The following ALK variants were observed in gnomAD, a reference collection of about 807,000 sequenced individuals.
The protein encoded by ALK is ALK receptor tyrosine kinase.
Under a neutral mutation model 163.1 loss-of-function variants are expected in ALK, and 74 were observed. The observed-to-expected ratio is 0.45, with a 90% confidence interval of 0.38 to 0.55. The LOEUF (loss-of-function observed/expected upper bound fraction) is 0.55, where lower values mean the gene tolerates loss of function less well. Ranked by LOEUF, ALK falls within the 20% of genes least tolerant of loss-of-function variation. The pLI is 0.00. For synonymous variants in ALK, 960 were observed against 843.2 expected (o/e 1.14, Z -2.40); for missense variants, 2,063 against 2,105.3 (o/e 0.98, Z 0.39).
chr2:29,843,206 G>A (rs796265736), intron 1 of ALK, among the ~76,000 whole-genome samples: 1 of 152,096 alleles, frequency 6.6e-6, no homozygotes, highest in Non-Finnish European at 1.5e-5. Context: ...AGCTAGAAGG[G>A]GTCTCGGTGC....
At chr2:29,829,095 C>T (rs1363960010) in intron 1 of ALK, among the ~76,000 whole-genome samples, 1 of 141,458 alleles carries the variant, frequency 7.1e-6, no homozygotes, top group African/African-American at 2.7e-5. Flanking sequence ...TGTTCTCACT[C>T]ATAGGTGGAA....
chr2:29,196,998 C>T (rs1427431050), intron 27 of ALK, 138 bp from the exon 28 acceptor site: 2 of 702,466 alleles, frequency 2.8e-6, no homozygotes, highest in Non-Finnish European at 5.1e-6. Context: ...CTATGCTGCC[C>T]CCTGCTGATT....
At chr2:29,546,918 C>T (rs925867900) in intron 3 of ALK, among the ~76,000 whole-genome samples, 4 of 152,158 alleles carry the variant, frequency 2.6e-5, no homozygotes, top group African/African-American at 4.8e-5. Context: ...GAGCATGGAA[C>T]GTGGGTGGAT....
chr2:29,286,613 A>G (rs1198581011), intron 9 of ALK: 3 of 152,106 alleles, frequency 2.0e-5, no homozygotes, highest in African/African-American at 7.2e-5. Context: ...AGCCTTTTCA[A>G]AAGCACTTTC....
chr2:29,376,053 C>A (rs886522782), intron 5 of ALK, among the ~76,000 whole-genome samples: 1 of 152,138 alleles, frequency 6.6e-6, no homozygotes, highest in Non-Finnish European at 1.5e-5. Flanking sequence ...AGATAGTCTC[C>A]CTCTGGCCGG....
intron 5 of ALK, among the ~76,000 whole-genome samples, chr2:29,369,889 C>A (rs1389236059): frequency 6.6e-6 from 1 of 152,046 alleles, no homozygotes; most frequent in Non-Finnish European, 1.5e-5. Context: ...TTACATACAG[C>A]CACAGATAAG....
intron 8 of ALK, among the ~76,000 whole-genome samples, chr2:29,299,620 G>T (rs1266305372): frequency 6.6e-6 from 1 of 152,170 alleles, no homozygotes; most frequent in Non-Finnish European, 1.5e-5. Context: ...TATTAAAAAG[G>T]CATTTTGGCT....
intron 3 of ALK, among the ~76,000 whole-genome samples, chr2:29,568,596 A>G (rs1052026044): frequency 1.3e-5 from 2 of 152,136 alleles, no homozygotes; most frequent in African/African-American, 4.8e-5. Flanking sequence ...AAGGGGAAAA[A>G]CCTGGGTACC....
At chr2:29,890,790 A>G (rs1667123425) in intron 1 of ALK, 1 of 152,218 alleles carries the variant, frequency 6.6e-6, no homozygotes, top group South Asian at 2.1e-4. Flanking sequence ...CCTTGCCTCA[A>G]TTCTGTGTTA....
chr2:29,710,499 C>T (rs13035750), intron 2 of ALK, among the ~76,000 whole-genome samples: 55 of 144,762 alleles, frequency 3.8e-4, no homozygotes, highest in Admixed American at 1.5e-3. Context: ...AGTCTGTGTG[C>T]GTGTGTGTGT....
rs201414973 is a variant in ALK at position 29,229,091 on chromosome 2, C to T, written c.2633-25G>A. On this transcript the variant is annotated intron_variant, in intron 15 of 28. Transcript: ENST00000389048. ...CCTGCGGGAAGAGATAGGGAACCTGCGTGAGGATGCTGGCAAGGTTCAATT... is the reference window on the plus strand; with the variant it reads ...CCTGCGGGAAGAGATAGGGAACCTGTGTGAGGATGCTGGCAAGGTTCAATT... 2.3e-3 allele frequency: 3,654 copies of T among 1,609,382 alleles called. 4 individuals carry two copies. The highest frequency in any genetic ancestry group is 2.8e-3 in the Non-Finnish European group (3,278 of 1,176,082).
chr2:29,498,134 T>C (rs1672078459), intron 4 of ALK, among the ~76,000 whole-genome samples: 1 of 152,204 alleles, frequency 6.6e-6, no homozygotes, highest in Admixed American at 6.5e-5. Flanking sequence ...TCAGTATTTA[T>C]TCTATGCTCT....
chr2:29,228,346 T>C (rs1411212869), intron 16 of ALK, among the ~76,000 whole-genome samples: 1 of 152,228 alleles, frequency 6.6e-6, no homozygotes, highest in East Asian at 1.9e-4. Flanking sequence ...CTCTGCTGAC[T>C]GTGCTCTGAA....
intron 3 of ALK, among the ~76,000 whole-genome samples, chr2:29,537,616 TAC>T (rs1312239684): frequency 1.3e-5 from 2 of 152,252 alleles, no homozygotes; most frequent in East Asian, 1.9e-4. Context: ...TTGGAGCCTC[TAC>T]ACAGAGTCCC....
intron 3 of ALK, among the ~76,000 whole-genome samples, chr2:29,549,458 C>G (rs62131121): frequency 2.0e-4 from 30 of 152,116 alleles, no homozygotes; most frequent in African/African-American, 7.2e-4. Flanking sequence ...GATGCTATCC[C>G]CAGTTGTAGT....
chr2:29,355,593 T>G (rs973117290), intron 5 of ALK, among the ~76,000 whole-genome samples: 30 of 152,170 alleles, frequency 2.0e-4, no homozygotes, highest in African/African-American at 7.2e-4. Context: ...CAATGGGCCC[T>G]AGCAGTAACT....
At chr2:29,328,898 G>A (rs866208677) in intron 5 of ALK, among the ~76,000 whole-genome samples, 1 of 152,206 alleles carries the variant, frequency 6.6e-6, no homozygotes, top group Admixed American at 6.5e-5. Context: ...CTGGTCTAGT[G>A]CATGTCCCCC....
At chr2:29,530,001 C>T (rs1455775530) in intron 4 of ALK, among the ~76,000 whole-genome samples, 1 of 151,016 alleles carries the variant, frequency 6.6e-6, no homozygotes, top group Non-Finnish European at 1.5e-5. Context: ...CCTGAAGGCA[C>T]TGACATGGCA....
intron 5 of ALK, among the ~76,000 whole-genome samples, chr2:29,352,075 C>A (rs1374513273): frequency 6.6e-6 from 1 of 152,108 alleles, no homozygotes; most frequent in East Asian, 1.9e-4. Context: ...GATGCTGTAT[C>A]CTGGAGAGGC....
Sources: allele counts gnomAD v4.1 joint callset (sites outside exome capture counted in the v4.1 genomes callset), GRCh38; gene constraint gnomAD v4.1.1; transcripts MANE v1.5; gene names NCBI Gene and HGNC (gene_info 2026-07-23, HGNC 2026-07-21).